SYCP2L: variants seen among roughly 807,000 people sequenced by gnomAD.
The protein encoded by SYCP2L is synaptonemal complex protein 2-like.
SYCP2L carries 98 observed loss-of-function variants against 125.8 expected under a neutral mutation model. The ratio of observed to expected loss-of-function variants is 0.78; its 90% CI spans 0.66 to 0.92. The LOEUF (loss-of-function observed/expected upper bound fraction) is 0.92. SYCP2L is among the 40% of genes least tolerant of loss of function. The probability of loss-of-function intolerance (pLI) is 0.00; values close to 1 mark genes in which losing one functional copy is unlikely to be tolerated. For missense variants in SYCP2L, 842 were observed against 936.4 expected (o/e 0.90, Z 1.32); for synonymous variants, 317 against 325.4 (o/e 0.97, Z 0.28).
At chr6:10,910,712 T>C (rs1490661907) in intron 11 of SYCP2L, 112 bp from the exon 12 acceptor site, 2 of 1,132,486 alleles carry the variant, frequency 1.8e-6, no homozygotes, top group Middle Eastern at 2.2e-4. Context: ...TTGTACTCTG[T>C]ACGAGGAGAC....
intron 14 of SYCP2L, among the ~76,000 whole-genome samples, chr6:10,922,462 T>C (rs950597034): frequency 2.6e-5 from 4 of 151,470 alleles, no homozygotes; most frequent in African/African-American, 7.3e-5. Flanking sequence ...AGTTAGCTAG[T>C]TACTTTTTTT....
chr6:10,962,272 A>ACCTATGCATATATT (rs147622191), intron 28 of SYCP2L, among the ~76,000 whole-genome samples: 364 of 149,202 alleles, frequency 2.4e-3, no homozygotes, highest in African/African-American at 5.0e-3. Context: ...TCTTCCTAAA[A>ACCTATGCATATATT]CCTATGCATA....
intron 8 of SYCP2L, among the ~76,000 whole-genome samples, chr6:10,905,512 G>C (rs377525608): frequency 1.3e-5 from 2 of 152,176 alleles, no homozygotes; most frequent in East Asian, 3.9e-4. Flanking sequence ...GGCTGGTCTC[G>C]AACTCCGAAC....
chr6:10,939,855 A>T (rs1781181204), intron 21 of SYCP2L, among the ~76,000 whole-genome samples: 1 of 152,228 alleles, frequency 6.6e-6, no homozygotes, highest in African/African-American at 2.4e-5. Flanking sequence ...GGACTATGTC[A>T]TACTAAAAAT....
chr6:10,903,448 T>C (rs1327733052), intron 8 of SYCP2L, among the ~76,000 whole-genome samples: 2 of 152,178 alleles, frequency 1.3e-5, no homozygotes, highest in South Asian at 2.1e-4. Context: ...CTCAGGAGGC[T>C]GAGGCAGGAG....
chr6:10,909,415 A>G (rs1449868419), intron 10 of SYCP2L, among the ~76,000 whole-genome samples: 1 of 152,174 alleles, frequency 6.6e-6, no homozygotes, highest in Non-Finnish European at 1.5e-5. Context: ...GGCGAGAGCC[A>G]CCACGTCCGG....
intron 21 of SYCP2L, among the ~76,000 whole-genome samples, chr6:10,940,060 A>G (rs1403811024): frequency 6.6e-6 from 1 of 150,676 alleles, no homozygotes; most frequent in African/African-American, 2.4e-5. Context: ...TCCAAAAAAG[A>G]AGCACAAATG....
chr6:10,892,214 T>G (rs1216550778), intron 2 of SYCP2L, among the ~76,000 whole-genome samples: 1 of 152,088 alleles, frequency 6.6e-6, no homozygotes, highest in Non-Finnish European at 1.5e-5. Flanking sequence ...AGCAAGGAGG[T>G]CAGACTGTCA....
intron 29 of SYCP2L, among the ~76,000 whole-genome samples, chr6:10,966,823 A>C (rs1050712724): frequency 2.6e-5 from 4 of 152,250 alleles, no homozygotes; most frequent in Non-Finnish European, 5.9e-5. Context: ...ACTGATCAAG[A>C]AAATAAAATG....
chr6:10,957,482 CAAG>C (rs1450391189), intron 25 of SYCP2L, among the ~76,000 whole-genome samples: 3 of 152,020 alleles, frequency 2.0e-5, no homozygotes, highest in African/African-American at 7.3e-5. Flanking sequence ...CAGTGATAGA[CAAG>C]GAGGAGGGGA....
At chr6:10,888,251 C>T (rs1780115112) in intron 1 of SYCP2L, among the ~76,000 whole-genome samples, 1 of 151,864 alleles carries the variant, frequency 6.6e-6, no homozygotes, top group African/African-American at 2.4e-5. Context: ...CGCGCGCCAC[C>T]ACGCCAGGGT....
intron 4 of SYCP2L, among the ~76,000 whole-genome samples, chr6:10,896,894 A>G (rs1457565350): frequency 6.6e-6 from 1 of 152,198 alleles, no homozygotes; most frequent in African/African-American, 2.4e-5. Flanking sequence ...AACTGGTTTT[A>G]TCTTCAGCTG....
At chr6:10,963,426 C>A in intron 28 of SYCP2L, 1 of 270,094 alleles carries the variant, frequency 3.7e-6, no homozygotes, top group South Asian at 4.2e-5. Context: ...CTTATGTTTT[C>A]ATGTCAGTGA....
At chr6:10,957,649 C>CA (rs1443771490) in intron 25 of SYCP2L, among the ~76,000 whole-genome samples, 1 of 152,040 alleles carries the variant, frequency 6.6e-6, no homozygotes, top group Non-Finnish European at 1.5e-5. Context: ...CCTGTCTCTA[C>CA]AAAAAATGTT....
At chr6:10,924,417 A>T in intron 14 of SYCP2L, 79 bp from the exon 15 acceptor site, 1 of 1,175,992 alleles carries the variant, frequency 8.5e-7, no homozygotes, top group Non-Finnish European at 1.1e-6. Flanking sequence ...ACCCTAGCGT[A>T]GTTATTTAAA....
At chr6:10,916,788 A>C (rs1195318820) in intron 14 of SYCP2L, among the ~76,000 whole-genome samples, 1 of 152,132 alleles carries the variant, frequency 6.6e-6, no homozygotes, top group Non-Finnish European at 1.5e-5. Flanking sequence ...TCAGGAGTTC[A>C]AGACCAGCCT....
intron 12 of SYCP2L, among the ~76,000 whole-genome samples, chr6:10,911,997 G>T (rs573680369): frequency 2.0e-4 from 28 of 139,916 alleles, no homozygotes; most frequent in Non-Finnish European, 3.9e-4. Flanking sequence ...CGCCTCCCGG[G>T]TTCATGCCAT....
chr6:10,967,457 GTGTGTGT>G (rs1561704225), intron 29 of SYCP2L, among the ~76,000 whole-genome samples: 30 of 134,164 alleles, frequency 2.2e-4, no homozygotes, highest in Admixed American at 1.1e-3. Flanking sequence ...GGTAGAGGGT[GTGTGTGT>G]GTGTGTGTGT....
At chr6:10,918,715 T>G (rs1222983666) in intron 14 of SYCP2L, among the ~76,000 whole-genome samples, 1 of 152,118 alleles carries the variant, frequency 6.6e-6, no homozygotes, top group Non-Finnish European at 1.5e-5. Flanking sequence ...TTTTGTATTT[T>G]TAGTAGAGAC....
Sources: allele counts gnomAD v4.1 joint callset (sites outside exome capture counted in the v4.1 genomes callset), GRCh38; gene constraint gnomAD v4.1.1; transcripts MANE v1.5; gene names NCBI Gene and HGNC (gene_info 2026-07-23, HGNC 2026-07-21).